Variants in CHKA observed in about 807,000 individuals in gnomAD.
CHKA encodes CHETK-alpha.
In CHKA, 34 loss-of-function variants were observed where a neutral mutation model predicts 60.1. The observed-to-expected ratio is 0.57, with a 90% CI of 0.43 to 0.75. The LOEUF is 0.75. CHKA is among the 30% of genes least tolerant of loss of function. The pLI is 0.00. For synonymous variants in CHKA, 217 were observed against 223.1 expected (o/e 0.97, Z 0.24); for missense variants, 563 against 561.3 (o/e 1.00, Z -0.03).
intron 1 of CHKA, among the ~76,000 whole-genome samples, chr11:68,106,510 G>A (rs1221112572): frequency 6.6e-6 from 1 of 150,856 alleles, no homozygotes; most frequent in Non-Finnish European, 1.5e-5. Flanking sequence ...CCGTGATCAC[G>A]TCACTGCACT....
At chr11:68,098,369 T>C (rs920287283) in intron 1 of CHKA, among the ~76,000 whole-genome samples, 1 of 152,034 alleles carries the variant, frequency 6.6e-6, no homozygotes, top group African/African-American at 2.4e-5. Flanking sequence ...GACTACTCTC[T>C]ATAAACCTCT....
rs148814034 is a variant in CHKA at position 68,120,229 on chromosome 11, CAA to C, written c.350+597_350+598del. On this transcript the variant is annotated intron_variant, in intron 1 of 11. Transcript: ENST00000265689. ...GGGGACCAAGAGCGAAACTCCGTCT[CAA>C]AAAAAAAAAAAAAAGGAAAAAACAT... Among the ~76,000 whole-genome samples, 108 of 116,318 alleles carry C rather than the reference CAA, an allele frequency of 9.3e-4. 2 individuals are homozygous for C. In the Middle Eastern group the frequency reaches 0.016, roughly 17 times the overall value. The allele number at this position is 116,318 out of a possible 152,430, so 76.3% of individuals were successfully genotyped here.
Position 68,070,200 on chromosome 11 carries a change from C to T in CHKA, c.858G>A (p.Leu286=). The T allele has an allele frequency of 1.9e-6, 3 of 1,612,294 alleles. No homozygotes were observed. Among genetic ancestry groups the T allele is most frequent in the Non-Finnish European group, 2.5e-6 (3 of 1,178,666 alleles). ...GAAGGAAAACTCACCTCAGGTTTTC[C>T]AGTTCCAAGGGCAGATTGTAACTGA... The part of the protein sequence containing the change: ...KLLSYNLPLE[L]ENLRSLLEST... The change falls in exon 6 of 12, where the codon CTG becomes CTA. Residue 286 remains leucine, a synonymous_variant. Coordinates refer to ENST00000265689, the MANE Select transcript of CHKA (RefSeq NM_001277.3).
intron 11 of CHKA, among the ~76,000 whole-genome samples, chr11:68,058,165 A>C (rs1335695064): frequency 6.6e-6 from 1 of 152,164 alleles, no homozygotes. Flanking sequence ...GTGCTGGATG[A>C]CTGGCTTGAG....
rs1025461555 is a variant in CHKA, at chr11:68,052,934, T to TAA, written c.*1052_*1053dup. On this transcript the variant is annotated 3_prime_UTR_variant, in exon 12 of 12. Transcript: ENST00000265689. The stretch of plus-strand genomic sequence containing the variant: ...ATATATGCACAAAAAACAATTCAAA[T>TAA]AAGAGTTCAGAGTAAAAAAAAGTCA... The TAA allele has an allele frequency of 1.4e-4, 21 of 152,542 alleles. No individual in the cohort carries two copies. The highest frequency in any genetic ancestry group is 4.6e-4 in the African/African-American group (19 of 41,514). 9.4% of individuals were successfully genotyped at this position (152,542 alleles called of 1,614,324 possible).
At chr11:68,105,947 G>GA (rs1230174758) in intron 1 of CHKA, among the ~76,000 whole-genome samples, 7 of 150,482 alleles carry the variant, frequency 4.7e-5, no homozygotes, top group Non-Finnish European at 8.9e-5. Flanking sequence ...TGACTAGAAA[G>GA]AAAAAAAAAT....
At position 68,060,083 on chromosome 11, in the gene CHKA, G is replaced by A. The variant is rs553250891; in HGVS notation, c.1314+1870C>T. 9.0e-4 allele frequency among the ~76,000 whole-genome samples: 134 copies of A among 149,414 alleles called. 4 individuals are homozygous for A. The South Asian group carries it at 0.027, about 30-fold the overall frequency. The stretch of plus-strand genomic sequence containing the variant: ...GCTCTGTCGCCCAGGCTGGAGTGCA[G>A]TGGCGTGATCTCGGCTCACTGCAAG... On this transcript the variant is annotated intron_variant, in intron 11 of 11. Transcript: ENST00000265689.
chr11:68,118,722 T>G (rs1007036683), intron 1 of CHKA, among the ~76,000 whole-genome samples: 6 of 152,224 alleles, frequency 3.9e-5, no homozygotes, highest in African/African-American at 1.2e-4. Flanking sequence ...TGCAACATTA[T>G]GTAAAAAGGT....
intron 9 of CHKA, 71 bp downstream of exon 9, chr11:68,065,715 A>G: frequency 1.9e-6 from 2 of 1,072,854 alleles, no homozygotes; most frequent in Admixed American, 3.7e-5. Flanking sequence ...AATAAAAAAG[A>G]AGATGTAATT....
At chr11:68,105,574 T>G (rs1004969099) in intron 1 of CHKA, among the ~76,000 whole-genome samples, 1 of 147,720 alleles carries the variant, frequency 6.8e-6, no homozygotes, top group Non-Finnish European at 1.5e-5. Flanking sequence ...CCATCTCTAA[T>G]GTCAAACATC....
At chr11:68,060,766 T>A (rs759775382) in intron 11 of CHKA, among the ~76,000 whole-genome samples, 10 of 152,270 alleles carry the variant, frequency 6.6e-5, no homozygotes, top group Non-Finnish European at 1.0e-4. Flanking sequence ...TCTCTAGTAA[T>A]ATTCCTTGTT....
At chr11:68,069,472 G>A (rs529543521) in intron 6 of CHKA, among the ~76,000 whole-genome samples, 9 of 151,920 alleles carry the variant, frequency 5.9e-5, no homozygotes, top group Non-Finnish European at 1.2e-4. Context: ...CGATCACGAG[G>A]TCAAGAGATC....
At chr11:68,117,416 C>G (rs1010611554) in intron 1 of CHKA, among the ~76,000 whole-genome samples, 3 of 152,170 alleles carry the variant, frequency 2.0e-5, no homozygotes, top group African/African-American at 7.2e-5. Context: ...GGGCAGGGTG[C>G]AGTGGCTAAC....
rs556432460 is a variant in CHKA, at chr11:68,057,481, G to A, written c.1315-3434C>T. Among the ~76,000 whole-genome samples the A allele has an allele frequency of 2.2e-3, 341 of 152,060 alleles. 5 individuals are homozygous for A. Among genetic ancestry groups the A allele is most frequent in the Admixed American group, 0.02 (305 of 15,266 alleles). Reference sequence around the variant, plus strand: ...ACTACAGGCACCTGCCACCAGGCCCGGCTAATTTTTTGTATTTTTAGTAGA... The same window carrying A: ...ACTACAGGCACCTGCCACCAGGCCCAGCTAATTTTTTGTATTTTTAGTAGA... On this transcript the variant is annotated intron_variant, in intron 11 of 11. Transcript: ENST00000265689.
intron 11 of CHKA, among the ~76,000 whole-genome samples, chr11:68,057,152 C>T (rs1480471894): frequency 6.6e-6 from 1 of 152,148 alleles, no homozygotes; most frequent in African/African-American, 2.4e-5. Context: ...CCACCCCTGA[C>T]GTGGTCACTT....
At position 68,115,446 on chromosome 11, in the gene CHKA, T is replaced by C. The variant is rs372828042; in HGVS notation, c.350+5382A>G. Among the ~76,000 whole-genome samples the C allele has an allele frequency of 6.8e-4, 104 of 152,300 alleles. 1 individual carries two copies. The highest frequency in any genetic ancestry group is 2.5e-3 in the African/African-American group (102 of 41,568). The stretch of plus-strand genomic sequence containing the variant: ...CTCAGTTGTAACAAATGTCCCATTC[T>C]GGTGGGGGAAGTTGAGAAAGGGGAA... On this transcript the variant is annotated intron_variant, in intron 1 of 11. Coordinates refer to ENST00000265689, the MANE Select transcript of CHKA (RefSeq NM_001277.3).
intron 7 of CHKA, among the ~76,000 whole-genome samples, chr11:68,068,190 T>C (rs1856502549): frequency 1.3e-5 from 2 of 152,140 alleles, no homozygotes; most frequent in South Asian, 4.1e-4. Flanking sequence ...GGATTACACG[T>C]GTTGCGATAA....
At chr11:68,114,375 TA>T (rs974280072) in intron 1 of CHKA, among the ~76,000 whole-genome samples, 3 of 152,038 alleles carry the variant, frequency 2.0e-5, no homozygotes, top group Non-Finnish European at 4.4e-5. Context: ...TACTGAGTAT[TA>T]AAAAGAAGTG....
chr11:68,119,172 T>A (rs543366783), intron 1 of CHKA, among the ~76,000 whole-genome samples: 2 of 152,296 alleles, frequency 1.3e-5, no homozygotes, highest in South Asian at 4.1e-4. Context: ...ATTAAGCAAT[T>A]CAGGGATTAT....
Sources: allele counts gnomAD v4.1 joint callset (sites outside exome capture counted in the v4.1 genomes callset), GRCh38; gene constraint gnomAD v4.1.1; transcripts MANE v1.5; gene names NCBI Gene and HGNC (gene_info 2026-07-23, HGNC 2026-07-21).